CNOT2: variants seen among roughly 807,000 people sequenced by gnomAD.
CNOT2 encodes the protein CCR4-NOT transcription complex subunit 2.
In CNOT2, 7 loss-of-function variants were observed where a neutral mutation model predicts 72.1. That is an observed-to-expected ratio of 0.10 (90% CI 0.06 to 0.18). CNOT2 has a LOEUF of 0.18. Ranked by LOEUF, CNOT2 falls within the 10% of genes least tolerant of loss-of-function variation. The probability of loss-of-function intolerance (pLI) is 1.00; values close to 1 mark genes in which losing one functional copy is unlikely to be tolerated. For missense variants in CNOT2, 345 were observed against 660.3 expected (o/e 0.52, Z 5.23); for synonymous variants, 196 against 225.6 (o/e 0.87, Z 1.17).
chr12:70,267,650 A>C (rs1369938325), intron 1 of CNOT2, among the ~76,000 whole-genome samples: 1 of 152,008 alleles, frequency 6.6e-6, no homozygotes, highest in Non-Finnish European at 1.5e-5. Context: ...AGTTCCCTTT[A>C]CTCATCCCCT....
At chr12:70,317,195 A>T (rs1034810978) in intron 3 of CNOT2, among the ~76,000 whole-genome samples, 1 of 152,116 alleles carries the variant, frequency 6.6e-6, no homozygotes, top group Non-Finnish European at 1.5e-5. Flanking sequence ...ATTATTTGGG[A>T]TAAAGAAGGC....
intron 14 of CNOT2, chr12:70,344,892 C>G (rs566867892): frequency 6.6e-6 from 1 of 152,244 alleles, no homozygotes; most frequent in South Asian, 2.1e-4. Flanking sequence ...TGAATTTAAT[C>G]ATTTCATAAA....
At chr12:70,286,925 T>C (rs1190430281) in intron 2 of CNOT2, among the ~76,000 whole-genome samples, 2 of 152,128 alleles carry the variant, frequency 1.3e-5, no homozygotes, top group South Asian at 4.1e-4. Flanking sequence ...TTTGTTGCTT[T>C]TCTTGGTTGT....
intron 3 of CNOT2, among the ~76,000 whole-genome samples, chr12:70,311,854 G>A (rs1164683513): frequency 6.6e-6 from 1 of 151,830 alleles, no homozygotes; most frequent in Non-Finnish European, 1.5e-5. Context: ...GATTTATACT[G>A]ATGTTTGAAG....
At position 70,342,316 on chromosome 12, in the gene CNOT2, A is replaced by G. The variant is rs765689874; in HGVS notation, c.1290+9A>G. ...TTCACATTAGGGATAAGGTGAGTGT[A>G]GTTTATTATTCTACTCAGTCAGCAT... is the stretch of plus-strand genomic sequence containing the variant. On this transcript the variant is annotated intron_variant, in intron 13 of 15. Coordinates refer to ENST00000229195, the MANE Select transcript of CNOT2 (RefSeq NM_014515.7). 6 of 1,612,466 alleles carry G rather than the reference A, an allele frequency of 3.7e-6. No individual in the cohort carries two copies. The highest frequency in any genetic ancestry group is 2.2e-5 in the East Asian group (1 of 44,800).
chr12:70,287,732 C>T lies in CNOT2; in HGVS notation c.48+9458C>T, dbSNP rs1172357224. ...TATTTTATAAATTTTTGTGTTTAGC[C>T]TGTGATAAATCCAACAATTGGAAGT... On this transcript the variant is annotated intron_variant, in intron 2 of 15. Transcript: ENST00000229195. Among the ~76,000 whole-genome samples, 6 of 149,764 alleles carry T rather than the reference C, an allele frequency of 4.0e-5. 1 individual carries two copies. Among genetic ancestry groups the T allele is most frequent in the Admixed American group, 3.4e-4 (5 of 14,608 alleles).
chr12:70,275,764 A>G (rs902688397), intron 1 of CNOT2, among the ~76,000 whole-genome samples: 6 of 152,088 alleles, frequency 3.9e-5, no homozygotes, highest in African/African-American at 1.4e-4. Context: ...TGTCTCTCAT[A>G]CTTGTTCCTT....
At chr12:70,332,109 G>T (rs538708271) in intron 6 of CNOT2, among the ~76,000 whole-genome samples, 193 of 151,804 alleles carry the variant, frequency 1.3e-3, no homozygotes, top group Non-Finnish European at 2.3e-3. Context: ...TATATGAAAG[G>T]TAAACTATAT....
At chr12:70,253,979 C>T (rs1958285943) in intron 1 of CNOT2, among the ~76,000 whole-genome samples, 1 of 152,158 alleles carries the variant, frequency 6.6e-6, no homozygotes, top group South Asian at 2.1e-4. Flanking sequence ...TGGCTCACGC[C>T]TGTAGTCCCA....
At chr12:70,332,302 A>G (rs1880078852) in intron 6 of CNOT2, 1 of 152,086 alleles carries the variant, frequency 6.6e-6, no homozygotes, top group South Asian at 2.1e-4. Flanking sequence ...TGAGGAGTTT[A>G]TATTCTAGTT....
chr12:70,352,637 G>A (rs1359900438), intron 15 of CNOT2, among the ~76,000 whole-genome samples: 1 of 152,124 alleles, frequency 6.6e-6, no homozygotes. Flanking sequence ...TACATATTAA[G>A]CTTCATAATT....
chr12:70,258,886 T>A (rs79536434), intron 1 of CNOT2, among the ~76,000 whole-genome samples: 9,341 of 152,218 alleles, frequency 0.061, 443 homozygotes, highest in East Asian at 0.16. Context: ...TGATGTCTTA[T>A]GATTAAAAAA....
intron 2 of CNOT2, 123 bp from the exon 3 acceptor site, chr12:70,310,772 T>G: frequency 5.8e-6 from 4 of 687,592 alleles, no homozygotes; most frequent in Non-Finnish European, 9.6e-6. Context: ...CCACTAGCCA[T>G]TAGTTGATCA....
intron 1 of CNOT2, among the ~76,000 whole-genome samples, chr12:70,275,774 T>G (rs1165997357): frequency 6.6e-6 from 1 of 152,116 alleles, no homozygotes; most frequent in Non-Finnish European, 1.5e-5. Flanking sequence ...ACTTGTTCCT[T>G]TTCACAGATT....
intron 1 of CNOT2, among the ~76,000 whole-genome samples, chr12:70,248,590 C>A (rs1324010154): frequency 6.6e-6 from 1 of 151,924 alleles, no homozygotes; most frequent in Non-Finnish European, 1.5e-5. Flanking sequence ...AAACATCTGG[C>A]CTTTATAGGT....
At chr12:70,308,486 A>G (rs966113216) in intron 2 of CNOT2, among the ~76,000 whole-genome samples, 5 of 151,586 alleles carry the variant, frequency 3.3e-5, no homozygotes, top group African/African-American at 9.7e-5. Flanking sequence ...AATAATTAGT[A>G]TTGTCACTGA....
intron 1 of CNOT2, among the ~76,000 whole-genome samples, chr12:70,245,327 A>T (rs1957831332): frequency 6.6e-6 from 1 of 152,198 alleles, no homozygotes; most frequent in South Asian, 2.1e-4. Flanking sequence ...TCCTTACTGT[A>T]AAAAAGGTAC....
At chr12:70,244,721 A>G (rs1200820173) in intron 1 of CNOT2, among the ~76,000 whole-genome samples, 2 of 152,208 alleles carry the variant, frequency 1.3e-5, no homozygotes, top group Non-Finnish European at 2.9e-5. Context: ...CGTTTGGGCA[A>G]TTCCTCATAA....
intron 2 of CNOT2, among the ~76,000 whole-genome samples, chr12:70,289,798 T>C (rs763544905): frequency 6.6e-6 from 1 of 152,192 alleles, no homozygotes; most frequent in Non-Finnish European, 1.5e-5. Flanking sequence ...TGTTTACTAA[T>C]AGAAACTATG....
Sources: gnomAD v4.1 joint callset for allele counts (sites outside exome capture counted in the v4.1 genomes callset) on GRCh38, gnomAD v4.1.1 for gene constraint, MANE v1.5 for transcripts, NCBI Gene and HGNC (gene_info 2026-07-23, HGNC 2026-07-21) for gene names.